ADAMTS7: variants seen among roughly 807,000 people sequenced by gnomAD.
ADAMTS7 encodes ADAM metallopeptidase with thrombospondin type 1 motif 7.
In ADAMTS7, 89 loss-of-function variants were observed where a neutral mutation model predicts 172.6. The ratio of observed to expected loss-of-function variants is 0.52; its 90% CI spans 0.43 to 0.61. The LOEUF (loss-of-function observed/expected upper bound fraction) is 0.61, where lower values mean the gene tolerates loss of function less well. ADAMTS7 is among the 20% of genes least tolerant of loss of function. The pLI, the probability that ADAMTS7 is intolerant of heterozygous loss-of-function variation, is 0.00. For missense variants in ADAMTS7, 1,973 were observed against 2,355.6 expected (o/e 0.84, Z 3.36); for synonymous variants, 885 against 978.4 (o/e 0.90, Z 1.78).
Position 78,796,918 on chromosome 15 carries a change from T to A in ADAMTS7, c.623-132A>T. The A allele has an allele frequency of 5.0e-6, 4 of 798,950 alleles. No individual in the cohort carries two copies. In the South Asian group the frequency reaches 7.7e-5, roughly 15 times the overall value. The allele number at this position is 798,950 out of a possible 1,614,324, so 49.5% of individuals were successfully genotyped here. On this transcript the variant is annotated intron_variant, in intron 3 of 23. Transcript: ENST00000388820. ...AGGGATCAGAGGCCAGGGGCCTGAA[T>A]TCGCCTCCTGGCTCTGTCCCAGATC...
chr15:78,765,256 G>C, intron 19 of ADAMTS7: 1 of 312,780 alleles, frequency 3.2e-6, no homozygotes, highest in East Asian at 7.8e-5. Context: ...TGCCAAAGGA[G>C]GGTGGAGCCA....
chr15:78,780,144 C>CCCTT (rs1461935474), intron 8 of ADAMTS7, among the ~76,000 whole-genome samples: 1 of 144,044 alleles, frequency 6.9e-6, no homozygotes, highest in African/African-American at 2.6e-5. Flanking sequence ...CGGCAGCCAG[C>CCCTT]CCTTCCTTCC....
intron 23 of ADAMTS7, among the ~76,000 whole-genome samples, chr15:78,761,180 C>T (rs745868946): frequency 2.6e-4 from 40 of 152,202 alleles, no homozygotes; most frequent in Non-Finnish European, 4.7e-4. Context: ...GGCAGGGCAG[C>T]GAGGCATGGC....
rs1356587638 is a variant in ADAMTS7 at position 78,766,175 on chromosome 15, C to G, written c.3736G>C (p.Val1246Leu). Reference protein sequence around the residue: ...PSSTLPPLSPVGSTHSSPSPD... With the variant: ...PSSTLPPLSPLGSTHSSPSPD... ...CTAGGAGAGGAGTGGGTGCTGCCAA[C>G]AGGGGACAAAGGGGGCAGCGTGGAG... Residue 1246 changes from valine to leucine, a missense_variant, in exon 19 of 24, where the codon GTT becomes CTT. By Grantham distance (32) the Val-to-Leu change is conservative. Coordinates refer to ENST00000388820, the MANE Select transcript of ADAMTS7 (RefSeq NM_014272.5). 2.5e-6 allele frequency: 4 copies of G among 1,611,652 alleles called. No homozygotes were observed. The highest frequency in any genetic ancestry group is 3.3e-5 in the Admixed American group (2 of 59,972).
chr15:78,779,793 T>C (rs920945250), intron 8 of ADAMTS7, among the ~76,000 whole-genome samples: 2 of 152,078 alleles, frequency 1.3e-5, no homozygotes, highest in Admixed American at 6.5e-5. Context: ...CAACAGTCCC[T>C]GGGCTGCAGC....
intron 1 of ADAMTS7, among the ~76,000 whole-genome samples, chr15:78,801,373 C>T (rs1429497385): frequency 6.6e-6 from 1 of 152,122 alleles, no homozygotes; most frequent in African/African-American, 2.4e-5. Context: ...CAGACGTGCT[C>T]CTGCTTCAGG....
chr15:78,774,438 G>A, intron 12 of ADAMTS7, 138 bp from the exon 13 acceptor site: 1 of 1,369,500 alleles, frequency 7.3e-7, no homozygotes. Context: ...GGCTCCGGCT[G>A]GGCTGATAGC....
chr15:78,781,247 C>A (rs1210066500), intron 8 of ADAMTS7, among the ~76,000 whole-genome samples: 3 of 152,146 alleles, frequency 2.0e-5, no homozygotes, highest in Non-Finnish European at 4.4e-5. Context: ...TGGGGCCCAT[C>A]CTGTCTCTCC....
At chr15:78,794,027 A>C (rs2055613271) in intron 4 of ADAMTS7, among the ~76,000 whole-genome samples, 1 of 151,862 alleles carries the variant, frequency 6.6e-6, no homozygotes, top group African/African-American at 2.4e-5. Context: ...CTTTGGGAGG[A>C]CGAGGCGGGC....
chr15:78,777,684 G>C, intron 8 of ADAMTS7, 96 bp from the exon 9 acceptor site: 4 of 1,446,940 alleles, frequency 2.8e-6, no homozygotes, highest in East Asian at 2.5e-5. Context: ...GTGGGAGGGG[G>C]CACAGAGCCC....
At chr15:78,782,279 C>A (rs1396468114) in intron 8 of ADAMTS7, among the ~76,000 whole-genome samples, 3 of 152,074 alleles carry the variant, frequency 2.0e-5, no homozygotes, top group Non-Finnish European at 2.9e-5. Flanking sequence ...GATCCGCCTG[C>A]CTCAGTCTCC....
intron 11 of ADAMTS7, among the ~76,000 whole-genome samples, chr15:78,775,852 C>A (rs538250987): frequency 6.6e-6 from 1 of 152,314 alleles, no homozygotes. Context: ...GAGATTCGAA[C>A]CCTGAGCCAT....
In ADAMTS7 at chr15:78,760,169, G is replaced by A. The variant is rs555973978; in HGVS notation, c.4904-591C>T. On this transcript the variant is annotated intron_variant, in intron 23 of 23. Transcript: ENST00000388820. The stretch of plus-strand genomic sequence containing the variant: ...CTAGAGTGAGTGGGCCTTACAGGCC[G>A]TCAGCGGAAACCAGAGACTGAGCCC... 7.5e-3 allele frequency among the ~76,000 whole-genome samples: 1,147 copies of A among 152,092 alleles called. 8 individuals are homozygous for A. The highest frequency in any genetic ancestry group is 0.012 in the Non-Finnish European group (832 of 67,948).
chr15:78,768,345 C>G (rs1321582689), intron 16 of ADAMTS7, 86 bp from the exon 17 acceptor site: 1 of 1,577,232 alleles, frequency 6.3e-7, no homozygotes, highest in African/African-American at 1.3e-5. Flanking sequence ...CAGAACCCTC[C>G]CAGAACAGCG....
At chr15:78,796,424 C>A (rs1236604155) in intron 4 of ADAMTS7, among the ~76,000 whole-genome samples, 166 bp downstream of exon 4, 9 of 152,098 alleles carry the variant, frequency 5.9e-5, no homozygotes, top group Non-Finnish European at 1.2e-4. Context: ...GCTGCCAAGA[C>A]CCCCACCCCT....
chr15:78,808,477 C>T (rs1465570668), intron 1 of ADAMTS7, among the ~76,000 whole-genome samples: 1 of 152,180 alleles, frequency 6.6e-6, no homozygotes, highest in African/African-American at 2.4e-5. Context: ...CTCAAGTGAT[C>T]CGCCAGCCTC....
At position 78,795,655 on chromosome 15, in the gene ADAMTS7, A is replaced by G. The variant is rs58064186; in HGVS notation, c.819+935T>C. Among the ~76,000 whole-genome samples the G allele has an allele frequency of 5.6e-3, 847 of 152,260 alleles. 5 individuals carry two copies. The highest frequency in any genetic ancestry group is 0.019 in the African/African-American group (787 of 41,542). The stretch of plus-strand genomic sequence containing the variant: ...CTTTAGATATTATCCTGTTCACAGC[A>G]CACGCACTTACCTTGCCCCCAACAA... On this transcript the variant is annotated intron_variant, in intron 4 of 23. Coordinates refer to ENST00000388820, the MANE Select transcript of ADAMTS7 (RefSeq NM_014272.5).
At chr15:78,808,701 G>C (rs1490901734) in intron 1 of ADAMTS7, among the ~76,000 whole-genome samples, 2 of 152,232 alleles carry the variant, frequency 1.3e-5, no homozygotes, top group Non-Finnish European at 2.9e-5. Flanking sequence ...CCAGCAAGGA[G>C]TAATTGCAGG....
chr15:78,764,904 C>G, intron 19 of ADAMTS7, 197 bp from the exon 20 acceptor site: 1 of 549,060 alleles, frequency 1.8e-6, no homozygotes, highest in Admixed American at 3.7e-5. Context: ...CAAATCCCCT[C>G]AGCAACCAGC....
Sources: gnomAD v4.1 joint callset for allele counts (sites outside exome capture counted in the v4.1 genomes callset) on GRCh38, gnomAD v4.1.1 for gene constraint, MANE v1.5 for transcripts, NCBI Gene and HGNC (gene_info 2026-07-23, HGNC 2026-07-21) for gene names.